ARHGAP26: variants seen among roughly 807,000 people sequenced by gnomAD.
ARHGAP26 encodes rho GTPase-activating protein 26.
Under a neutral mutation model 104.8 loss-of-function variants are expected in ARHGAP26, and 38 were observed. That is an observed-to-expected ratio of 0.36 (90% CI 0.28 to 0.48). The LOEUF (loss-of-function observed/expected upper bound fraction) is 0.48. Ranked by LOEUF, ARHGAP26 falls within the 20% of genes least tolerant of loss-of-function variation. The probability of loss-of-function intolerance (pLI) is 0.99; values close to 1 mark genes in which losing one functional copy is unlikely to be tolerated. For missense variants in ARHGAP26, 704 were observed against 947.9 expected, an observed-to-expected ratio of 0.74 and a Z score of 3.38; for synonymous variants, 341 against 340.0, an observed-to-expected ratio of 1.00 and a Z score of -0.03.
chr5:142,773,555 A>C (rs79461622), intron 1 of ARHGAP26, among the ~76,000 whole-genome samples: 8,606 of 152,300 alleles, frequency 0.057, 458 homozygotes, highest in African/African-American at 0.13. Context: ...GTAAAGGAGA[A>C]ACATGCAGCA....
In ARHGAP26 at chr5:142,913,445, A is replaced by G. The variant is rs1215654390; in HGVS notation, c.1028+152A>G. The stretch of plus-strand genomic sequence containing the variant: ...CCCTGCCTCCTTCCTTTCCTTCTCC[A>G]TCCATTCATCTATGTCCAGGGTGCT... On this transcript the variant is annotated intron_variant, in intron 10 of 22. Transcript: ENST00000645722. 5 of 631,478 alleles carry G rather than the reference A, an allele frequency of 7.9e-6. No homozygotes were observed. The South Asian group carries it at 9.1e-5, about 11-fold the overall frequency. 39.1% of individuals were successfully genotyped at this position (631,478 alleles called of 1,614,324 possible). A position where few individuals can be genotyped will look rare whatever the true frequency, so the allele number is the denominator to read the frequency against.
At chr5:142,962,903 A>G (rs1353113915) in intron 11 of ARHGAP26, among the ~76,000 whole-genome samples, 2 of 151,950 alleles carry the variant, frequency 1.3e-5, no homozygotes, top group Admixed American at 6.6e-5. Context: ...TCACCCAGGT[A>G]CTAAGCCTAG....
intron 20 of ARHGAP26, among the ~76,000 whole-genome samples, chr5:143,205,089 G>A (rs17100148): frequency 0.052 from 7,859 of 152,190 alleles, 689 homozygotes; most frequent in African/African-American, 0.18. Context: ...GCACAGTAGA[G>A]AGGAGTTGAC....
intron 1 of ARHGAP26, among the ~76,000 whole-genome samples, chr5:142,817,067 A>C (rs897391783): frequency 6.6e-6 from 1 of 152,160 alleles, no homozygotes; most frequent in Non-Finnish European, 1.5e-5. Flanking sequence ...GGGATTTTGC[A>C]TCTTGGGCTT....
intron 19 of ARHGAP26, among the ~76,000 whole-genome samples, chr5:143,143,273 G>A (rs1798779702): frequency 6.6e-6 from 1 of 152,172 alleles, no homozygotes; most frequent in Admixed American, 6.5e-5. Context: ...CTCTGTGAGT[G>A]CTTTCCTGGC....
intron 5 of ARHGAP26, among the ~76,000 whole-genome samples, chr5:142,890,147 AAAAAATATATATATATATATAT>A (rs1326436292): frequency 3.8e-5 from 3 of 78,572 alleles, no homozygotes; most frequent in African/African-American, 1.7e-4. Context: ...AAAAAAAAAA[AAAAAATATATATATATATATAT>A]ATATATATAT....
At chr5:142,963,188 A>ACATATATATATATATATATATG in intron 11 of ARHGAP26, among the ~76,000 whole-genome samples, 1 of 109,798 alleles carries the variant, frequency 9.1e-6, no homozygotes, top group East Asian at 2.8e-4. Context: ...ATATATATAT[A>ACATATATATATATATATATATG]TATATATATA....
intron 20 of ARHGAP26, among the ~76,000 whole-genome samples, chr5:143,200,780 C>T (rs746730959): frequency 6.6e-6 from 1 of 152,188 alleles, no homozygotes; most frequent in Non-Finnish European, 1.5e-5. Context: ...CAGCTTACTC[C>T]TCCAGTTACA....
At chr5:142,976,335 G>A (rs1773083623) in intron 11 of ARHGAP26, among the ~76,000 whole-genome samples, 3 of 152,204 alleles carry the variant, frequency 2.0e-5, no homozygotes, top group African/African-American at 7.2e-5. Flanking sequence ...GTGAACTAAT[G>A]TCATGCTAGC....
In ARHGAP26 at chr5:143,228,354, G is replaced by A. The variant is rs1599602779; in HGVS notation, c.*5908G>A. On this transcript the variant is annotated 3_prime_UTR_variant, in exon 23 of 23. Transcript: ENST00000645722. ...GCCTTTACAGCCTTTAAGACTCGGA[G>A]GTTGAGAATTAGAGACACAAGAGAG... 4.5e-6 allele frequency: 1 copy of A among 223,768 alleles called. No homozygotes were observed. Among genetic ancestry groups the A allele is most frequent in the Non-Finnish European group, 8.9e-6 (1 of 112,244 alleles). 13.9% of individuals were successfully genotyped at this position (223,768 alleles called of 1,614,324 possible).
rs1304273714 is a variant in ARHGAP26 at position 143,222,940 on chromosome 5, A to G, written c.*494A>G. 8.6e-6 allele frequency: 2 copies of G among 233,288 alleles called. No individual in the cohort carries two copies. The highest frequency in any genetic ancestry group is 1.7e-5 in the Non-Finnish European group (2 of 117,974). 14.5% of individuals were successfully genotyped at this position (233,288 alleles called of 1,614,324 possible). A position where few individuals can be genotyped will look rare whatever the true frequency, so the allele number is the denominator to read the frequency against. On this transcript the variant is annotated 3_prime_UTR_variant, in exon 23 of 23. Coordinates refer to ENST00000645722, the MANE Select transcript of ARHGAP26 (RefSeq NM_001135608.3). ...CTCAGTACTTGAGACTTAAAGTGCT[A>G]CAGGCAGCTGGATCTGTTTGCATGC...
Position 142,871,976 on chromosome 5 carries a change from G to A in ARHGAP26, c.155-1424G>A, listed in dbSNP as rs148918918. The stretch of plus-strand genomic sequence containing the variant: ...GACCGTGTCATCACAGCGTGTGGGA[G>A]GGCAGTCCAGGAGCAGGAGCTGCAG... On this transcript the variant is annotated intron_variant, in intron 1 of 22. Transcript: ENST00000645722. The surrounding 1 kb of genome is among the most constrained non-coding windows in gnomAD (Gnocchi z 4.1). Among the ~76,000 whole-genome samples the A allele has an allele frequency of 7.9e-5, 12 of 152,292 alleles. No individual in the cohort carries two copies. In the East Asian group the frequency reaches 2.3e-3, roughly 29 times the overall value.
intron 11 of ARHGAP26, among the ~76,000 whole-genome samples, chr5:142,984,111 C>T (rs1598482480): frequency 6.6e-6 from 1 of 152,326 alleles, no homozygotes. Context: ...CTTTTGTCTT[C>T]CTTGTAGGCT....
chr5:142,956,225 T>C (rs1769207454), intron 11 of ARHGAP26, among the ~76,000 whole-genome samples: 1 of 152,138 alleles, frequency 6.6e-6, no homozygotes, highest in Non-Finnish European at 1.5e-5. Context: ...CTTGATACTT[T>C]GATTTATTTT....
chr5:142,971,062 T>G (rs1479025286), intron 11 of ARHGAP26, among the ~76,000 whole-genome samples: 1 of 152,204 alleles, frequency 6.6e-6, no homozygotes, highest in Non-Finnish European at 1.5e-5. Flanking sequence ...TGAGTTTAAG[T>G]AAATTTGAAG....
chr5:143,219,886 C>G (rs999137948), intron 22 of ARHGAP26, among the ~76,000 whole-genome samples: 3 of 152,188 alleles, frequency 2.0e-5, no homozygotes, highest in African/African-American at 7.2e-5. Flanking sequence ...TCGTATAAAT[C>G]CTGGCTTGAA....
At chr5:143,107,837 A>G (rs1794232696) in intron 17 of ARHGAP26, among the ~76,000 whole-genome samples, 1 of 152,168 alleles carries the variant, frequency 6.6e-6, no homozygotes, top group African/African-American at 2.4e-5. Flanking sequence ...ATTTGCTTTC[A>G]TGGTAGCAGA....
intron 10 of ARHGAP26, among the ~76,000 whole-genome samples, chr5:142,914,253 G>C (rs1762201611): frequency 6.6e-6 from 1 of 152,188 alleles, no homozygotes; most frequent in Non-Finnish European, 1.5e-5. Context: ...GGGGCTGCTG[G>C]AGGCTGTTAG....
At chr5:143,060,842 C>T (rs1412795849) in intron 17 of ARHGAP26, among the ~76,000 whole-genome samples, 1 of 151,794 alleles carries the variant, frequency 6.6e-6, no homozygotes, top group Non-Finnish European at 1.5e-5. Flanking sequence ...GAGAATGGGC[C>T]ATATGCAAGG....
Sources: allele counts gnomAD v4.1 joint callset (sites outside exome capture counted in the v4.1 genomes callset), GRCh38; gene constraint gnomAD v4.1.1; non-coding constraint Gnocchi (gnomAD v3.1); transcripts MANE v1.5; gene names NCBI Gene and HGNC (gene_info 2026-07-23, HGNC 2026-07-21).